Variants in RBM20 observed in about 807,000 individuals in gnomAD.
The protein encoded by RBM20 is RNA binding motif protein 20, also known as RNA-binding protein 20.
In RBM20, 51 loss-of-function variants were observed where a neutral mutation model predicts 110.1. The observed-to-expected ratio is 0.46, with a 90% CI of 0.37 to 0.59. RBM20 has a LOEUF of 0.59. Ranked by LOEUF, RBM20 falls within the 20% of genes least tolerant of loss-of-function variation. The pLI is 0.00. For missense variants in RBM20, 1,512 were observed against 1,574.9 expected, an observed-to-expected ratio of 0.96 and a Z score of 0.68; for synonymous variants, 589 against 618.2, an observed-to-expected ratio of 0.95 and a Z score of 0.70.
chr10:110,741,686 A>G (rs1843726905), intron 1 of RBM20, among the ~76,000 whole-genome samples: 1 of 152,130 alleles, frequency 6.6e-6, no homozygotes, highest in Admixed American at 6.5e-5. Context: ...ATTGTTTTCA[A>G]TTCCCAGTAG....
intron 1 of RBM20, among the ~76,000 whole-genome samples, chr10:110,711,301 G>A (rs1862923203): frequency 8.1e-6 from 1 of 123,214 alleles, no homozygotes; most frequent in Non-Finnish European, 1.6e-5. Flanking sequence ...CTTCACTCCA[G>A]CCTGGGAGAC....
intron 1 of RBM20, among the ~76,000 whole-genome samples, chr10:110,674,735 C>T (rs960368601): frequency 3.3e-5 from 5 of 152,124 alleles, no homozygotes; most frequent in African/African-American, 9.7e-5. Context: ...TTGAGGCTGT[C>T]GATGTACTAT....
chr10:110,702,366 A>G (rs937565820), intron 1 of RBM20, among the ~76,000 whole-genome samples: 1 of 144,924 alleles, frequency 6.9e-6, no homozygotes, highest in African/African-American at 2.8e-5. Context: ...TCTCTACCAA[A>G]CAAACAAACA....
intron 7 of RBM20, among the ~76,000 whole-genome samples, chr10:110,803,027 C>T (rs1462233080): frequency 6.6e-6 from 1 of 152,158 alleles, no homozygotes; most frequent in African/African-American, 2.4e-5. Flanking sequence ...TCACTGTACC[C>T]TGTGAAGTGT....
At position 110,780,863 on chromosome 10, in the gene RBM20, C is replaced by T; in HGVS notation, c.254C>T (p.Ser85Leu). The T allele has an allele frequency of 6.5e-7, 1 of 1,549,826 alleles. No homozygotes were observed. The highest frequency in any genetic ancestry group is 1.2e-5 in the South Asian group (1 of 84,010). Residue 85 changes from serine (S) to leucine (L), a missense_variant, in exon 2 of 14, where the codon TCA becomes TTA. By Grantham distance (145) the Ser-to-Leu change is moderately radical. Transcript: ENST00000369519. ...SVSNPNPLLP[S>L]PASLQLAQLQ... ...AGTAACCCGAACCCTCTGCTTCCTTCACCTGCCAGTCTCCAGCTGGCTCAA... is the reference window on the plus strand; with the variant it reads ...AGTAACCCGAACCCTCTGCTTCCTTTACCTGCCAGTCTCCAGCTGGCTCAA...
At chr10:110,699,963 C>T (rs1862733684) in intron 1 of RBM20, among the ~76,000 whole-genome samples, 1 of 152,128 alleles carries the variant, frequency 6.6e-6, no homozygotes, top group Non-Finnish European at 1.5e-5. Context: ...ATATGCTGGA[C>T]AAAAAGGTGA....
intron 1 of RBM20, among the ~76,000 whole-genome samples, chr10:110,710,633 T>C (rs1490549439): frequency 6.6e-6 from 1 of 152,258 alleles, no homozygotes; most frequent in Non-Finnish European, 1.5e-5. Context: ...GAGAAGCTGG[T>C]CCTTCCCTCC....
intron 1 of RBM20, among the ~76,000 whole-genome samples, chr10:110,779,752 C>G (rs1270216377): frequency 6.6e-6 from 1 of 152,200 alleles, no homozygotes; most frequent in Non-Finnish European, 1.5e-5. Context: ...GAAAACCTCC[C>G]ACACATCTAG....
intron 8 of RBM20, 74 bp downstream of exon 8, chr10:110,810,536 G>C (rs905201484): frequency 2.8e-6 from 3 of 1,079,428 alleles, no homozygotes; most frequent in Non-Finnish European, 4.1e-6. Flanking sequence ...CATTCTTAGG[G>C]GCATTTGAGT....
intron 9 of RBM20, among the ~76,000 whole-genome samples, chr10:110,819,393 C>T (rs1444575418): frequency 1.3e-5 from 2 of 152,218 alleles, no homozygotes; most frequent in Non-Finnish European, 1.5e-5. Context: ...GGCTGTAGGT[C>T]AGATTCGGCC....
At chr10:110,777,296 G>T (rs1407631460) in intron 1 of RBM20, among the ~76,000 whole-genome samples, 1 of 152,240 alleles carries the variant, frequency 6.6e-6, no homozygotes, top group Non-Finnish European at 1.5e-5. Context: ...GGAGACATCA[G>T]TTCCAGCTTC....
intron 12 of RBM20, among the ~76,000 whole-genome samples, chr10:110,828,849 GT>G (rs1845014165): frequency 6.6e-6 from 1 of 151,932 alleles, no homozygotes. Flanking sequence ...TTGTTTGTTT[GT>G]TTTTTTGACA....
In RBM20 at chr10:110,781,473, A is replaced by G. The variant is rs1354313838; in HGVS notation, c.864A>G (p.Gln288=). 6.4e-7 allele frequency: 1 copy of G among 1,551,572 alleles called. No individual in the cohort carries two copies. Among genetic ancestry groups the G allele is most frequent in the East Asian group, 2.4e-5 (1 of 40,928 alleles). The change falls in exon 2 of 14, where the codon CAA becomes CAG. Residue 288 remains glutamine, a synonymous_variant. Transcript: ENST00000369519. ...FSKDFYGPNS[Q]GSHVASGFPA... ...AAGATTTTTACGGACCCAACTCCCAAGGTTCACATGTGGCCAGCGGATTTC... is the reference window on the plus strand; with the variant it reads ...AAGATTTTTACGGACCCAACTCCCAGGGTTCACATGTGGCCAGCGGATTTC...
At chr10:110,679,558 A>T (rs1862391927) in intron 1 of RBM20, among the ~76,000 whole-genome samples, 1 of 152,158 alleles carries the variant, frequency 6.6e-6, no homozygotes, top group Admixed American at 6.5e-5. Context: ...CTGTTATTGC[A>T]GTTCTTAAGC....
intron 1 of RBM20, among the ~76,000 whole-genome samples, chr10:110,703,308 G>A (rs756718635): frequency 2.0e-5 from 3 of 151,762 alleles, no homozygotes; most frequent in Non-Finnish European, 4.4e-5. Context: ...ACCCCAGGAG[G>A]CGGAGGTTGC....
chr10:110,825,721 T>A (rs77983163), intron 12 of RBM20, among the ~76,000 whole-genome samples: 1,719 of 152,362 alleles, frequency 0.011, 30 homozygotes, highest in African/African-American at 0.038. Flanking sequence ...AGTTAGGCTG[T>A]CTGCTCTTTT....
intron 1 of RBM20, among the ~76,000 whole-genome samples, chr10:110,646,565 A>T (rs966148197): frequency 6.6e-6 from 1 of 152,200 alleles, no homozygotes; most frequent in African/African-American, 2.4e-5. Flanking sequence ...ATGTGCCCAT[A>T]GGATTTGATG....
intron 8 of RBM20, among the ~76,000 whole-genome samples, chr10:110,811,049 A>G (rs1844761855): frequency 6.6e-6 from 1 of 152,216 alleles, no homozygotes; most frequent in Non-Finnish European, 1.5e-5. Context: ...CTGGGGCTAT[A>G]AGTTGACCAC....
intron 1 of RBM20, among the ~76,000 whole-genome samples, chr10:110,689,319 C>T (rs1391240549): frequency 2.6e-5 from 4 of 152,198 alleles, no homozygotes; most frequent in Non-Finnish European, 5.9e-5. Flanking sequence ...AGAGACAAAA[C>T]CTGCCCTCAT....
Sources: allele counts gnomAD v4.1 joint callset (sites outside exome capture counted in the v4.1 genomes callset), GRCh38; gene constraint gnomAD v4.1.1; transcripts MANE v1.5; gene names NCBI Gene and HGNC (gene_info 2026-07-23, HGNC 2026-07-21).